Variants in GAK observed in about 807,000 individuals in gnomAD.
GAK encodes the protein cyclin G associated kinase, also known as cyclin-G-associated kinase.
Under a neutral mutation model 143.9 loss-of-function variants are expected in GAK, and 79 were observed. The ratio of observed to expected loss-of-function variants is 0.55; its 90% CI spans 0.46 to 0.66. The LOEUF is 0.66. GAK is among the 30% of genes least tolerant of loss of function. The pLI is 0.00. For missense variants in GAK, 1,693 were observed against 1,779.7 expected, an observed-to-expected ratio of 0.95 and a Z score of 0.88; for synonymous variants, 881 against 765.5, an observed-to-expected ratio of 1.15 and a Z score of -2.49.
In GAK at chr4:925,196, C is replaced by T. The variant is rs1019070598; in HGVS notation, c.145+6847G>A. On this transcript the variant is annotated intron_variant, in intron 1 of 27. Transcript: ENST00000314167. ...AAATCAAAGCTTGACACTTTTTAAA[C>T]CCATCAAAATGTCCAAATAAAACAA... Among the ~76,000 whole-genome samples the T allele has an allele frequency of 5.9e-5, 9 of 152,262 alleles. No individual in the cohort carries two copies. In the South Asian group the frequency reaches 6.2e-4, roughly 11 times the overall value.
chr4:904,509 G>A (rs1303223102), intron 5 of GAK, 128 bp downstream of exon 5: 28 of 783,214 alleles, frequency 3.6e-5, no homozygotes, highest in Middle Eastern at 7.8e-4. Flanking sequence ...GCTCCTAACC[G>A]AGCGGGACCC....
chr4:851,766 G>A lies in GAK; in HGVS notation c.3492C>T (p.Val1164=), dbSNP rs1243589309. 6.2e-7 allele frequency: 1 copy of A among 1,613,370 alleles called. No homozygotes were observed. Among genetic ancestry groups the A allele is most frequent in the Non-Finnish European group, 8.5e-7 (1 of 1,179,876 alleles). The change falls in exon 25 of 28, where the codon GTC becomes GTT. Residue 1164 remains valine, a synonymous_variant. Coordinates refer to ENST00000314167, the MANE Select transcript of GAK (RefSeq NM_005255.4). ...GGGACTCACCAAAGCTGGGTGCGCGGACCCCCCGCTCCTCCCGCGCCCCGA... is the reference window on the plus strand; with the variant it reads ...GGGACTCACCAAAGCTGGGTGCGCGAACCCCCCGCTCCTCCCGCGCCCCGA... ...SVIGAREERG[V]RAPSFAQKPK...
At chr4:923,366 G>A (rs1204687955) in intron 1 of GAK, among the ~76,000 whole-genome samples, 2 of 152,192 alleles carry the variant, frequency 1.3e-5, no homozygotes, top group Non-Finnish European at 2.9e-5. Flanking sequence ...CACACACTCT[G>A]CCAATTAAGG....
chr4:886,168 G>C (rs1716290408), intron 11 of GAK: 1 of 152,286 alleles, frequency 6.6e-6, no homozygotes, highest in South Asian at 2.1e-4. Flanking sequence ...GATGTGAACA[G>C]AAGGCAGAGC....
At position 908,783 on chromosome 4, in the gene GAK, C is replaced by G. The variant is rs112562510; in HGVS notation, c.382+2890G>C. On this transcript the variant is annotated intron_variant, in intron 4 of 27. Coordinates refer to ENST00000314167, the MANE Select transcript of GAK (RefSeq NM_005255.4). ...TGGGCAACAAAGCAAGACCCTGTCTCCAAAAAAAATACGCCTGATACGGTC... is the reference window on the plus strand; with the variant it reads ...TGGGCAACAAAGCAAGACCCTGTCTGCAAAAAAAATACGCCTGATACGGTC... 3.0e-4 allele frequency among the ~76,000 whole-genome samples: 46 copies of G among 152,062 alleles called. 1 individual carries two copies. Among genetic ancestry groups the G allele is most frequent in the African/African-American group, 1.0e-3 (43 of 41,484 alleles).
chr4:858,546 G>A (rs1485390276), intron 24 of GAK, among the ~76,000 whole-genome samples: 4 of 152,202 alleles, frequency 2.6e-5, no homozygotes, highest in African/African-American at 9.7e-5. Flanking sequence ...GGCCACAAAG[G>A]GAAATAAAAT....
chr4:889,697 G>A (rs555778273), intron 10 of GAK, among the ~76,000 whole-genome samples: 11 of 152,332 alleles, frequency 7.2e-5, no homozygotes, highest in South Asian at 4.1e-4. Flanking sequence ...CTCCCACACC[G>A]CAGTGGGGAT....
At chr4:915,020 GCCC>G (rs1312587877) in intron 1 of GAK, among the ~76,000 whole-genome samples, 1 of 87,564 alleles carries the variant, frequency 1.1e-5, no homozygotes, top group Non-Finnish European at 2.1e-5. Flanking sequence ...AGCGCACACG[GCCC>G]CCAACACACA....
intron 3 of GAK, chr4:911,995 G>A: frequency 1.9e-6 from 1 of 517,998 alleles, no homozygotes; most frequent in East Asian, 4.4e-5. Flanking sequence ...GCAGGAGAGG[G>A]CGGGGACAAA....
intron 18 of GAK, among the ~76,000 whole-genome samples, chr4:874,514 C>G (rs1243107286): frequency 6.6e-6 from 1 of 152,146 alleles, no homozygotes; most frequent in Non-Finnish European, 1.5e-5. Flanking sequence ...TCTCTCAGCA[C>G]TTTAGAGACG....
At chr4:918,550 T>A (rs1723410033) in intron 1 of GAK, among the ~76,000 whole-genome samples, 1 of 152,240 alleles carries the variant, frequency 6.6e-6, no homozygotes, top group Non-Finnish European at 1.5e-5. Context: ...GCCCCAAAAC[T>A]GACAACTATG....
chr4:881,881 CCT>C (rs767749871), intron 15 of GAK, 24 bp downstream of exon 15: 16 of 1,552,548 alleles, frequency 1.0e-5, no homozygotes, highest in East Asian at 4.8e-5. Flanking sequence ...AGAGCTGTCC[CCT>C]GTCCCCGGAG....
chr4:864,215 G>A (rs1750751414), intron 23 of GAK, among the ~76,000 whole-genome samples: 1 of 152,110 alleles, frequency 6.6e-6, no homozygotes, highest in South Asian at 2.1e-4. Flanking sequence ...TTAAAACTTA[G>A]CTGGGCATGG....
chr4:857,776 T>C (rs780405674), intron 24 of GAK, among the ~76,000 whole-genome samples: 1 of 152,150 alleles, frequency 6.6e-6, no homozygotes, highest in Non-Finnish European at 1.5e-5. Context: ...ATTCTTTCTT[T>C]CCTTCCGCTT....
At chr4:907,184 TCA>T (rs991708722) in intron 4 of GAK, among the ~76,000 whole-genome samples, 1 of 152,152 alleles carries the variant, frequency 6.6e-6, no homozygotes, top group Non-Finnish European at 1.5e-5. Flanking sequence ...TAGAATCGAC[TCA>T]CAGACCGGAC....
chr4:921,404 A>T (rs1273825122), intron 1 of GAK, among the ~76,000 whole-genome samples: 1 of 152,194 alleles, frequency 6.6e-6, no homozygotes, highest in African/African-American at 2.4e-5. Flanking sequence ...CATCGAGATG[A>T]TTTCTGAGGG....
At chr4:911,057 C>T (rs1186481003) in intron 4 of GAK, among the ~76,000 whole-genome samples, 3 of 152,082 alleles carry the variant, frequency 2.0e-5, no homozygotes, top group Non-Finnish European at 4.4e-5. Context: ...CTAGAACTCT[C>T]CGAAAGCACC....
At chr4:851,645 T>C (rs1748159049) in intron 25 of GAK, 105 bp downstream of exon 25, 1 of 1,234,124 alleles carries the variant, frequency 8.1e-7, no homozygotes, top group Non-Finnish European at 1.2e-6. Flanking sequence ...GCCGTGCCTG[T>C]CCCAGGACTG....
At chr4:894,218 CT>C (rs1172460228) in intron 7 of GAK, 44 of 516,438 alleles carry the variant, frequency 8.5e-5, no homozygotes, top group African/African-American at 7.5e-4. Flanking sequence ...ACACCGGGGC[CT>C]GCGGGAACAA....
Sources: allele counts gnomAD v4.1 joint callset (sites outside exome capture counted in the v4.1 genomes callset), GRCh38; gene constraint gnomAD v4.1.1; transcripts MANE v1.5; gene names NCBI Gene and HGNC (gene_info 2026-07-23, HGNC 2026-07-21).